Variants in CHRNA7 observed in about 807,000 individuals in gnomAD.
CHRNA7 encodes the protein cholinergic receptor nicotinic alpha 7 subunit.
Under a neutral mutation model 48.0 loss-of-function variants are expected in CHRNA7, and 17 were observed. The ratio of observed to expected loss-of-function variants is 0.35; its 90% confidence interval spans 0.24 to 0.53. The LOEUF is 0.53. Among genes scored for constraint, CHRNA7 ranks in the 20% least tolerant of loss-of-function variants. The pLI is 0.92. For synonymous variants in CHRNA7, 75 were observed against 242.3 expected (o/e 0.31, Z 6.41); for missense variants, 155 against 577.7 (o/e 0.27, Z 7.50).
chr15:32,074,492 CTG>C (rs1179919506), intron 2 of CHRNA7, among the ~76,000 whole-genome samples: 1 of 151,008 alleles, frequency 6.6e-6, no homozygotes, highest in Non-Finnish European at 1.5e-5. Context: ...CTAAATATAA[CTG>C]TAGCTATAAC....
chr15:32,109,149 T>C (rs1325057133), intron 3 of CHRNA7, among the ~76,000 whole-genome samples: 8 of 152,344 alleles, frequency 5.3e-5, no homozygotes, highest in Middle Eastern at 3.4e-3. Context: ...AGGCTGCTGG[T>C]TGCCCATTTT....
chr15:32,135,915 C>T (rs1025901781), intron 4 of CHRNA7, among the ~76,000 whole-genome samples: 4 of 152,132 alleles, frequency 2.6e-5, no homozygotes, highest in Non-Finnish European at 4.4e-5. Flanking sequence ...GAAAAATAAA[C>T]GAAAATAACG....
chr15:32,092,917 T>A (rs2050406437), intron 2 of CHRNA7, among the ~76,000 whole-genome samples: 2 of 152,170 alleles, frequency 1.3e-5, no homozygotes, highest in African/African-American at 4.8e-5. Context: ...GCTAGCTTTT[T>A]GACAATTCAT....
chr15:32,112,102 C>T (rs558996708), intron 4 of CHRNA7: 9 of 633,504 alleles, frequency 1.4e-5, no homozygotes, highest in Middle Eastern at 2.6e-4. Context: ...GGCATGCACA[C>T]GTGCACACGC....
intron 3 of CHRNA7, among the ~76,000 whole-genome samples, chr15:32,108,747 ATCTC>A (rs370182023): frequency 6.6e-6 from 1 of 152,050 alleles, no homozygotes; most frequent in African/African-American, 2.4e-5. Context: ...AAATGGGGAA[ATCTC>A]TCTCTCTTTT....
At chr15:32,096,162 C>T (rs979439326) in intron 2 of CHRNA7, among the ~76,000 whole-genome samples, 8 of 152,172 alleles carry the variant, frequency 5.3e-5, no homozygotes, top group Admixed American at 1.3e-4. Flanking sequence ...GGATTATTGT[C>T]GTGAAGCCAA....
intron 2 of CHRNA7, among the ~76,000 whole-genome samples, chr15:32,095,718 T>C (rs911943859): frequency 2.0e-5 from 3 of 152,202 alleles, no homozygotes; most frequent in African/African-American, 7.2e-5. Context: ...AAAAAAGATT[T>C]GACTCACTGG....
chr15:32,136,762 T>G (rs2051266268), intron 4 of CHRNA7, among the ~76,000 whole-genome samples: 2 of 151,456 alleles, frequency 1.3e-5, no homozygotes, highest in Admixed American at 6.6e-5. Flanking sequence ...GCCGGCGCGG[T>G]GGCTGACGCC....
Position 32,089,609 on chromosome 15 carries a change from A to T in CHRNA7, c.196-11694A>T, listed in dbSNP as rs566917596. Among the ~76,000 whole-genome samples the T allele has an allele frequency of 3.7e-3, 567 of 152,048 alleles. 4 individuals are homozygous for T. The highest frequency in any genetic ancestry group is 0.013 in the African/African-American group (533 of 41,484). The stretch of plus-strand genomic sequence containing the variant: ...ACCCAACTGCTTTTGCATGTTGTTT[A>T]TTTTTCCTTTAGCACCTTTAGCATA... On this transcript the variant is annotated intron_variant, in intron 2 of 9. Coordinates refer to ENST00000306901, the MANE Select transcript of CHRNA7 (RefSeq NM_000746.6).
chr15:32,108,010 C>T (rs897185884), intron 3 of CHRNA7, among the ~76,000 whole-genome samples: 1 of 152,196 alleles, frequency 6.6e-6, no homozygotes, highest in Non-Finnish European at 1.5e-5. Flanking sequence ...AATCTATTTT[C>T]TTATTATACC....
intron 2 of CHRNA7, among the ~76,000 whole-genome samples, chr15:32,068,320 A>T (rs2049998715): frequency 1.3e-5 from 2 of 152,114 alleles, no homozygotes; most frequent in Admixed American, 6.5e-5. Flanking sequence ...GGAAGGAGCA[A>T]CCTGTTAGCT....
At chr15:32,034,407 CA>C (rs1464909833) in intron 2 of CHRNA7, among the ~76,000 whole-genome samples, 1 of 152,078 alleles carries the variant, frequency 6.6e-6, no homozygotes, top group Non-Finnish European at 1.5e-5. Context: ...TAGTACTGAC[CA>C]AACTACTGAT....
intron 4 of CHRNA7, among the ~76,000 whole-genome samples, chr15:32,121,137 C>T (rs1310942203): frequency 6.6e-6 from 1 of 152,168 alleles, no homozygotes; most frequent in Non-Finnish European, 1.5e-5. Flanking sequence ...GGGTGTGGGG[C>T]CCGAGCTGGA....
intron 2 of CHRNA7, among the ~76,000 whole-genome samples, chr15:32,048,312 G>T (rs2049593498): frequency 6.6e-6 from 1 of 151,950 alleles, no homozygotes; most frequent in Non-Finnish European, 1.5e-5. Flanking sequence ...GACTCTTTCT[G>T]GTTGGTAAGC....
In CHRNA7 at chr15:32,082,900, C is replaced by T. The variant is rs760413255; in HGVS notation, c.196-18403C>T. Among the ~76,000 whole-genome samples the T allele has an allele frequency of 3.9e-5, 6 of 152,098 alleles. 1 individual carries two copies. The South Asian group carries it at 8.3e-4, about 21-fold the overall frequency. The stretch of plus-strand genomic sequence containing the variant: ...CTGTAATACCAACACTTTGGGAGGC[C>T]GAGACAGGTGGATCACTCGTGGTCA... On this transcript the variant is annotated intron_variant, in intron 2 of 9. Transcript: ENST00000306901.
At chr15:32,077,536 C>G (rs897831894) in intron 2 of CHRNA7, among the ~76,000 whole-genome samples, 4 of 152,124 alleles carry the variant, frequency 2.6e-5, no homozygotes, top group African/African-American at 9.7e-5. Flanking sequence ...CTCTGCATTT[C>G]CCTGATGACA....
intron 2 of CHRNA7, among the ~76,000 whole-genome samples, chr15:32,067,902 A>G (rs2049991331): frequency 6.6e-6 from 1 of 152,220 alleles, no homozygotes; most frequent in Admixed American, 6.5e-5. Context: ...TGAAGTGACA[A>G]GGAAATGAAA....
chr15:32,047,709 T>C (rs1183056318), intron 2 of CHRNA7, among the ~76,000 whole-genome samples: 2 of 152,186 alleles, frequency 1.3e-5, no homozygotes, highest in African/African-American at 4.8e-5. Flanking sequence ...CAACACTATG[T>C]TGAATAGGAG....
intron 2 of CHRNA7, among the ~76,000 whole-genome samples, chr15:32,071,914 G>T (rs889371876): frequency 2.0e-5 from 3 of 152,008 alleles, no homozygotes; most frequent in African/African-American, 7.3e-5. Flanking sequence ...ACTGAGGAGT[G>T]GGGTGTTGCT....
Sources: allele counts gnomAD v4.1 joint callset (sites outside exome capture counted in the v4.1 genomes callset), GRCh38; gene constraint gnomAD v4.1.1; transcripts MANE v1.5; gene names NCBI Gene and HGNC (gene_info 2026-07-23, HGNC 2026-07-21).